SLC5A12: variants seen among roughly 807,000 people sequenced by gnomAD.
SLC5A12 encodes sodium-coupled monocarboxylate transporter 2.
In SLC5A12, 46 loss-of-function variants were observed where a neutral mutation model predicts 72.7. That is an observed-to-expected ratio of 0.63 (90% CI 0.50 to 0.81). The LOEUF (loss-of-function observed/expected upper bound fraction) is 0.81, where lower values mean the gene tolerates loss of function less well. Ranked by LOEUF, SLC5A12 falls within the 30% of genes least tolerant of loss-of-function variation. The pLI, the probability that SLC5A12 is intolerant of heterozygous loss-of-function variation, is 0.00. For missense variants in SLC5A12, 683 were observed against 740.7 expected, an observed-to-expected ratio of 0.92 and a Z score of 0.90; for synonymous variants, 275 against 264.4, an observed-to-expected ratio of 1.04 and a Z score of -0.39.
At chr11:26,672,111 T>G (rs563776869) in intron 14 of SLC5A12, among the ~76,000 whole-genome samples, 4 of 152,136 alleles carry the variant, frequency 2.6e-5, no homozygotes, top group Admixed American at 6.6e-5. Flanking sequence ...AAGATCTACC[T>G]TAAGTCACTT....
chr11:26,706,978 T>C (rs983099762), intron 4 of SLC5A12, among the ~76,000 whole-genome samples: 3 of 151,894 alleles, frequency 2.0e-5, no homozygotes, highest in African/African-American at 7.2e-5. Flanking sequence ...TTTAAAACTG[T>C]CATATTTTAA....
At chr11:26,679,361 G>A in intron 12 of SLC5A12, among the ~76,000 whole-genome samples, 1 of 152,236 alleles carries the variant, frequency 6.6e-6, no homozygotes, top group East Asian at 1.9e-4. Flanking sequence ...TCAGGGCCAG[G>A]AATTAGCATT....
At chr11:26,717,891 T>C (rs1855388345) in intron 1 of SLC5A12, among the ~76,000 whole-genome samples, 1 of 152,152 alleles carries the variant, frequency 6.6e-6, no homozygotes, top group Non-Finnish European at 1.5e-5. Flanking sequence ...AGATCAGCTA[T>C]GCCACCTTCC....
intron 7 of SLC5A12, 60 bp downstream of exon 7, chr11:26,698,346 C>T: frequency 6.3e-6 from 10 of 1,585,480 alleles, no homozygotes; most frequent in South Asian, 1.2e-5. Context: ...AGATTATCCA[C>T]CAATAGCTAG....
chr11:26,695,380 T>C (rs535329108), intron 8 of SLC5A12, among the ~76,000 whole-genome samples: 1 of 152,034 alleles, frequency 6.6e-6, no homozygotes, highest in Non-Finnish European at 1.5e-5. Flanking sequence ...ACAAAGAAAA[T>C]AAAGCAGGAA....
intron 11 of SLC5A12, among the ~76,000 whole-genome samples, chr11:26,681,871 T>C (rs559370990): frequency 6.6e-6 from 1 of 152,178 alleles, no homozygotes; most frequent in South Asian, 2.1e-4. Context: ...CTGAGCCTTC[T>C]GAGTCAGAGA....
At chr11:26,716,723 T>C (rs1348897834) in intron 1 of SLC5A12, among the ~76,000 whole-genome samples, 1 of 152,094 alleles carries the variant, frequency 6.6e-6, no homozygotes, top group African/African-American at 2.4e-5. Flanking sequence ...ATAAAAGAAA[T>C]CTGGGTGCTT....
chr11:26,716,893 C>T (rs950545443), intron 1 of SLC5A12, among the ~76,000 whole-genome samples: 2 of 152,138 alleles, frequency 1.3e-5, no homozygotes, highest in Admixed American at 6.6e-5. Context: ...GAGTAATCCT[C>T]TTAACATACA....
At chr11:26,707,225 C>G (rs150934141) in intron 4 of SLC5A12, among the ~76,000 whole-genome samples, 4 of 152,010 alleles carry the variant, frequency 2.6e-5, no homozygotes, top group Non-Finnish European at 5.9e-5. Flanking sequence ...TCTCCTTCCT[C>G]TGGCTCTTTT....
chr11:26,698,349 A>G, intron 7 of SLC5A12, 57 bp downstream of exon 7: 1 of 1,588,750 alleles, frequency 6.3e-7, no homozygotes, highest in Non-Finnish European at 8.5e-7. Context: ...TTATCCACCA[A>G]TAGCTAGAAG....
chr11:26,702,041 G>T (rs545146654), intron 6 of SLC5A12, among the ~76,000 whole-genome samples: 2 of 152,096 alleles, frequency 1.3e-5, no homozygotes, highest in East Asian at 1.9e-4. Context: ...ATATAACAAA[G>T]AATCATTATT....
At chr11:26,685,627 A>C (rs1272058924) in intron 10 of SLC5A12, among the ~76,000 whole-genome samples, 1 of 147,918 alleles carries the variant, frequency 6.8e-6, no homozygotes, top group African/African-American at 2.6e-5. Context: ...AACAAACAAA[A>C]AAACAAAAAA....
intron 4 of SLC5A12, among the ~76,000 whole-genome samples, chr11:26,705,964 ACACACACACACAC>A (rs1469507292): frequency 7.5e-6 from 1 of 133,362 alleles, no homozygotes; most frequent in African/African-American, 3.1e-5. Flanking sequence ...ACACACACAC[ACACACACACACAC>A]ACTTACCTTC....
chr11:26,682,845 C>A (rs1854441421), intron 11 of SLC5A12, among the ~76,000 whole-genome samples: 1 of 152,066 alleles, frequency 6.6e-6, no homozygotes, highest in African/African-American at 2.4e-5. Flanking sequence ...CAATATCAGA[C>A]AAGTGATTAA....
rs533218431 is a variant in SLC5A12, at chr11:26,675,654, C to G, written c.1580-2125G>C. On this transcript the variant is annotated intron_variant, in intron 13 of 14. Coordinates refer to ENST00000396005, the MANE Select transcript of SLC5A12 (RefSeq NM_178498.4). Reference sequence around the variant, plus strand: ...GAAATGTCTCTAGATGTATAGTAACCTGGGGTGGTTTTGAGGAAAGTTCCC... The same window carrying G: ...GAAATGTCTCTAGATGTATAGTAACGTGGGGTGGTTTTGAGGAAAGTTCCC... 2.4e-4 allele frequency among the ~76,000 whole-genome samples: 36 copies of G among 152,190 alleles called. 1 individual carries two copies. Among genetic ancestry groups the G allele is most frequent in the African/African-American group, 7.7e-4 (32 of 41,538 alleles).
At chr11:26,681,000 T>C (rs758879386) in intron 12 of SLC5A12, 55 bp downstream of exon 12, 27 of 1,455,078 alleles carry the variant, frequency 1.9e-5, no homozygotes, top group Non-Finnish European at 2.4e-5. Flanking sequence ...TGCACCTCCC[T>C]CTTACCAGGT....
intron 4 of SLC5A12, among the ~76,000 whole-genome samples, chr11:26,706,173 T>C (rs961282122): frequency 6.6e-6 from 1 of 151,936 alleles, no homozygotes; most frequent in African/African-American, 2.4e-5. Context: ...GAGACGGCAA[T>C]ATGAGCAAAG....
chr11:26,708,484 G>A (rs140645854), intron 4 of SLC5A12, among the ~76,000 whole-genome samples: 26 of 152,148 alleles, frequency 1.7e-4, no homozygotes, highest in Middle Eastern at 3.4e-3. Flanking sequence ...TGGAATAGAT[G>A]TTACAAAGAC....
chr11:26,694,617 G>A (rs1488649960), intron 8 of SLC5A12, among the ~76,000 whole-genome samples: 1 of 152,040 alleles, frequency 6.6e-6, no homozygotes, highest in Non-Finnish European at 1.5e-5. Context: ...AAACAAGTTA[G>A]CAGTACACTA....
Sources: allele counts gnomAD v4.1 joint callset (sites outside exome capture counted in the v4.1 genomes callset), GRCh38; gene constraint gnomAD v4.1.1; transcripts MANE v1.5; gene names NCBI Gene and HGNC (gene_info 2026-07-23, HGNC 2026-07-21).